Variants in SLC17A6 observed in about 807,000 individuals in gnomAD.
The protein encoded by SLC17A6 is solute carrier family 17 member 6.
Under a neutral mutation model 67.1 loss-of-function variants are expected in SLC17A6, and 35 were observed. That is an observed-to-expected ratio of 0.52 (90% CI 0.40 to 0.69). The LOEUF is 0.69. Ranked by LOEUF, SLC17A6 falls within the 30% of genes least tolerant of loss-of-function variation. The probability of loss-of-function intolerance (pLI) is 0.00; values close to 1 mark genes in which losing one functional copy is unlikely to be tolerated. For missense variants in SLC17A6, 588 were observed against 723.9 expected (o/e 0.81, Z 2.15); for synonymous variants, 285 against 252.3 (o/e 1.13, Z -1.23).
chr11:22,370,394 G>A (rs1490241495), intron 8 of SLC17A6, among the ~76,000 whole-genome samples: 1 of 152,076 alleles, frequency 6.6e-6, no homozygotes, highest in East Asian at 1.9e-4. Flanking sequence ...CTCTGGTACT[G>A]AGAATACAGG....
At chr11:22,374,139 T>C (rs1424545803) in intron 8 of SLC17A6, among the ~76,000 whole-genome samples, 1 of 152,194 alleles carries the variant, frequency 6.6e-6, no homozygotes, top group Non-Finnish European at 1.5e-5. Context: ...TCTTGGTGCG[T>C]AAAGTTTTAA....
rs895815065 is a variant in SLC17A6 at position 22,378,480 on chromosome 11, T to A, written c.*740T>A. 2.6e-5 allele frequency: 4 copies of A among 152,506 alleles called. No homozygotes were observed. The highest frequency in any genetic ancestry group is 5.9e-5 in the Non-Finnish European group (4 of 67,986). The allele number at this position is 152,506 out of a possible 1,614,324, so 9.4% of individuals were successfully genotyped here. A position where few individuals can be genotyped will look rare whatever the true frequency, so the allele number is the denominator to read the frequency against. Reference sequence around the variant, plus strand: ...CTTTTCATGTAGCGTATCACATAACTTTTTTGCAAAAAATATAAAAAGAAA... The same window carrying A: ...CTTTTCATGTAGCGTATCACATAACATTTTTGCAAAAAATATAAAAAGAAA... On this transcript the variant is annotated 3_prime_UTR_variant, in exon 12 of 12. Transcript: ENST00000263160.
intron 8 of SLC17A6, among the ~76,000 whole-genome samples, chr11:22,371,908 C>A (rs1856179194): frequency 6.6e-6 from 1 of 151,926 alleles, no homozygotes; most frequent in Non-Finnish European, 1.5e-5. Flanking sequence ...TGCTTTGGGT[C>A]TAGACTGACA....
chr11:22,345,375 G>A (rs934396555), intron 3 of SLC17A6, among the ~76,000 whole-genome samples: 1 of 150,354 alleles, frequency 6.7e-6, no homozygotes, highest in African/African-American at 2.5e-5. Flanking sequence ...GCAGTGGCAC[G>A]AACTGGGCTC....
At chr11:22,358,829 GAACATGTGCTAAGGGATTTA>G (rs1856018248) in intron 3 of SLC17A6, among the ~76,000 whole-genome samples, 1 of 152,142 alleles carries the variant, frequency 6.6e-6, no homozygotes, top group Admixed American at 6.6e-5. Flanking sequence ...ATTATTTCGA[GAACATGTGCTAAGGGATTTA>G]ATCAAGAGAC....
chr11:22,376,273 T>C (rs1196605673), intron 10 of SLC17A6, among the ~76,000 whole-genome samples, 181 bp downstream of exon 10: 1 of 152,178 alleles, frequency 6.6e-6, no homozygotes, highest in Non-Finnish European at 1.5e-5. Flanking sequence ...TTAGATTTGT[T>C]AATACTCAAT....
intron 9 of SLC17A6, 27 bp downstream of exon 9, chr11:22,374,914 A>G (rs774334294): frequency 6.3e-6 from 10 of 1,590,364 alleles, no homozygotes; most frequent in East Asian, 2.3e-5. Context: ...CACTAAGGAC[A>G]TGTTTTTAGT....
At chr11:22,375,223 T>A (rs1856219857) in intron 9 of SLC17A6, among the ~76,000 whole-genome samples, 1 of 151,208 alleles carries the variant, frequency 6.6e-6, no homozygotes, top group Non-Finnish European at 1.5e-5. Context: ...ACACAAAAAA[T>A]TAGCTGGGCA....
intron 7 of SLC17A6, among the ~76,000 whole-genome samples, 155 bp from the exon 8 acceptor site, chr11:22,369,878 CTAAGGT>C (rs900012273): frequency 6.6e-6 from 1 of 151,786 alleles, no homozygotes; most frequent in African/African-American, 2.4e-5. Flanking sequence ...ATTTACGTAG[CTAAGGT>C]TAACTGGGTG....
chr11:22,367,348 C>A (rs1396404944), intron 7 of SLC17A6, among the ~76,000 whole-genome samples: 1 of 151,584 alleles, frequency 6.6e-6, no homozygotes, highest in South Asian at 2.1e-4. Context: ...TAAGAAAAAT[C>A]CCATATCATA....
chr11:22,365,755 C>G, intron 7 of SLC17A6, 66 bp downstream of exon 7: 1 of 1,508,286 alleles, frequency 6.6e-7, no homozygotes. Flanking sequence ...ACCAACCAAA[C>G]TATCTTACAA....
rs1044954904 is a variant in SLC17A6 at position 22,368,392 on chromosome 11, G to A, written c.892-1647G>A. The stretch of plus-strand genomic sequence containing the variant: ...TATATTTAAATATAGCATATGTACA[G>A]AAAAAAACACTAATAGTAAACAATC... On this transcript the variant is annotated intron_variant, in intron 7 of 11. Coordinates refer to ENST00000263160, the MANE Select transcript of SLC17A6 (RefSeq NM_020346.3). 2.0e-5 allele frequency among the ~76,000 whole-genome samples: 3 copies of A among 151,636 alleles called. No homozygotes were observed. In the East Asian group the frequency reaches 5.8e-4, roughly 29 times the overall value.
chr11:22,364,258 CT>C (rs1856083740), intron 6 of SLC17A6, among the ~76,000 whole-genome samples: 2 of 151,948 alleles, frequency 1.3e-5, no homozygotes, highest in African/African-American at 4.8e-5. Context: ...GTATCTGGCA[CT>C]TTAGGTGAAT....
intron 5 of SLC17A6, 128 bp from the exon 6 acceptor site, chr11:22,362,611 T>G (rs1297194919): frequency 2.8e-6 from 2 of 710,258 alleles, no homozygotes; most frequent in African/African-American, 1.7e-5. Context: ...GGAGGGTATG[T>G]GCATGGGTGT....
chr11:22,374,065 C>T (rs921823714), intron 8 of SLC17A6, among the ~76,000 whole-genome samples: 1 of 152,116 alleles, frequency 6.6e-6, no homozygotes, highest in Non-Finnish European at 1.5e-5. Context: ...TACTTACTGT[C>T]CCCATAATGC....
chr11:22,344,004 G>T (rs1176019442), intron 3 of SLC17A6, among the ~76,000 whole-genome samples: 1 of 152,076 alleles, frequency 6.6e-6, no homozygotes, highest in Non-Finnish European at 1.5e-5. Context: ...TCCCAGAAGC[G>T]CCACCAACGG....
intron 8 of SLC17A6, among the ~76,000 whole-genome samples, chr11:22,371,415 C>T (rs1856173487): frequency 1.3e-5 from 2 of 152,008 alleles, no homozygotes; most frequent in Non-Finnish European, 2.9e-5. Flanking sequence ...GAAACTGTTT[C>T]CTCCATCCCC....
At chr11:22,354,677 C>A (rs992766181) in intron 3 of SLC17A6, among the ~76,000 whole-genome samples, 5 of 152,102 alleles carry the variant, frequency 3.3e-5, no homozygotes, top group African/African-American at 1.2e-4. Context: ...GTAAGTAGAT[C>A]TTAGTGGTTA....
At chr11:22,340,474 T>C (rs879802884) in intron 1 of SLC17A6, among the ~76,000 whole-genome samples, 1 of 152,152 alleles carries the variant, frequency 6.6e-6, no homozygotes, top group Non-Finnish European at 1.5e-5. Context: ...AAGCCAAAAA[T>C]GAATTGATGG....
Sources: allele counts gnomAD v4.1 joint callset (sites outside exome capture counted in the v4.1 genomes callset), GRCh38; gene constraint gnomAD v4.1.1; transcripts MANE v1.5; gene names NCBI Gene and HGNC (gene_info 2026-07-23, HGNC 2026-07-21).